Variants in ANO2 observed in about 807,000 individuals in gnomAD.
ANO2 encodes the protein anoctamin 2, also known as anoctamin-2.
A neutral mutation model predicts 124.2 loss-of-function variants in ANO2; 101 were observed. The observed-to-expected ratio is 0.81, with a 90% confidence interval of 0.69 to 0.96. The LOEUF is 0.96. Ranked by LOEUF, ANO2 falls within the 40% of genes least tolerant of loss-of-function variation. ANO2 has a pLI of 0.00. For missense variants in ANO2, 1,293 were observed against 1,274.5 expected, an observed-to-expected ratio of 1.01 and a Z score of -0.22; for synonymous variants, 486 against 482.5, an observed-to-expected ratio of 1.01 and a Z score of -0.09.
At chr12:5,881,620 T>G in intron 3 of ANO2, among the ~76,000 whole-genome samples, 1 of 152,190 alleles carries the variant, frequency 6.6e-6, no homozygotes, top group Non-Finnish European at 1.5e-5. Context: ...AGTCAAGGTT[T>G]TTGACTAGGT....
chr12:5,804,729 T>C (rs1031879015), intron 9 of ANO2, among the ~76,000 whole-genome samples: 2 of 152,256 alleles, frequency 1.3e-5, no homozygotes, highest in East Asian at 3.8e-4. Flanking sequence ...TACATATTTT[T>C]ATATCTACAA....
chr12:5,897,015 T>A (rs1452761308), intron 3 of ANO2, among the ~76,000 whole-genome samples: 1 of 152,212 alleles, frequency 6.6e-6, no homozygotes, highest in Non-Finnish European at 1.5e-5. Context: ...TAAGACTGAC[T>A]GTAAAGTCAC....
chr12:5,926,330 C>A (rs1942076917), intron 1 of ANO2, among the ~76,000 whole-genome samples: 1 of 152,188 alleles, frequency 6.6e-6, no homozygotes, highest in Non-Finnish European at 1.5e-5. Context: ...GATCTCCCTG[C>A]TCCCTGTCCC....
chr12:5,576,324 G>C (rs1942409320), intron 22 of ANO2, among the ~76,000 whole-genome samples: 1 of 152,200 alleles, frequency 6.6e-6, no homozygotes, highest in Non-Finnish European at 1.5e-5. Context: ...TAACATTGCT[G>C]TTGAGCAAGC....
chr12:5,655,519 G>A (rs180940649), intron 14 of ANO2, among the ~76,000 whole-genome samples: 7 of 152,260 alleles, frequency 4.6e-5, no homozygotes, highest in South Asian at 4.1e-4. Flanking sequence ...TGCTAGTCAG[G>A]GAACTGTATT....
chr12:5,878,337 G>A (rs1014620557), intron 3 of ANO2, among the ~76,000 whole-genome samples: 3 of 152,180 alleles, frequency 2.0e-5, no homozygotes, highest in African/African-American at 7.2e-5. Flanking sequence ...ATTAAGGAGT[G>A]GTGGAATCGA....
chr12:5,861,847 CA>C (rs1242366360), intron 3 of ANO2, among the ~76,000 whole-genome samples: 3 of 152,068 alleles, frequency 2.0e-5, no homozygotes, highest in African/African-American at 7.2e-5. Context: ...AGCTGGAGGA[CA>C]GGGGTGCTGA....
chr12:5,820,719 C>T (rs959897293), intron 7 of ANO2, among the ~76,000 whole-genome samples: 5 of 152,216 alleles, frequency 3.3e-5, no homozygotes. Context: ...GGTGGTGATT[C>T]CCACCACATC....
At chr12:5,827,598 C>G in intron 7 of ANO2, 171 bp downstream of exon 7, 3 of 740,872 alleles carry the variant, frequency 4.0e-6, no homozygotes, top group Non-Finnish European at 6.8e-6. Flanking sequence ...AAATGGGACC[C>G]CCGCTGCTCC....
chr12:5,888,522 G>C (rs1939138611), intron 3 of ANO2, among the ~76,000 whole-genome samples: 1 of 152,152 alleles, frequency 6.6e-6, no homozygotes, highest in Non-Finnish European at 1.5e-5. Context: ...AGAGCTGAAT[G>C]GTCCATTTTG....
intron 1 of ANO2, among the ~76,000 whole-genome samples, chr12:5,937,617 CATT>C: frequency 6.6e-6 from 1 of 152,126 alleles, no homozygotes; most frequent in African/African-American, 2.4e-5. Context: ...AATGATAAAA[CATT>C]ATCTTCCTAT....
rs140996697 is a variant in ANO2, at chr12:5,639,294, C to T, written c.1621-3947G>A. Among the ~76,000 whole-genome samples the T allele has an allele frequency of 1.8e-4, 27 of 152,274 alleles. No homozygotes were observed. The East Asian group carries it at 2.9e-3, about 16-fold the overall frequency. ...TAGCAACTTCATCATCGACATAGTA[C>T]GCTGCCTATGACCTCCACCTAGTTT... On this transcript the variant is annotated intron_variant, in intron 15 of 24. Coordinates refer to ENST00000682330, the MANE Select transcript of ANO2 (RefSeq NM_001364791.2).
intron 11 of ANO2, 62 bp downstream of exon 11, chr12:5,750,774 G>C (rs1848308722): frequency 1.3e-6 from 2 of 1,539,314 alleles, no homozygotes; most frequent in African/African-American, 2.7e-5. Flanking sequence ...TACTTGTACT[G>C]GGATGAAACT....
At chr12:5,926,433 G>A (rs11836325) in intron 1 of ANO2, among the ~76,000 whole-genome samples, 4 of 152,162 alleles carry the variant, frequency 2.6e-5, no homozygotes, top group East Asian at 1.9e-4. Context: ...CATGGCTCTC[G>A]GGCTGGGACT....
At chr12:5,836,673 A>G (rs2137226005) in intron 4 of ANO2, 1 of 153,980 alleles carries the variant, frequency 6.5e-6, no homozygotes, top group East Asian at 1.9e-4. Context: ...GCACCCAGAC[A>G]CTGGCTGAGC....
chr12:5,640,573 C>T (rs1371682541), intron 15 of ANO2, among the ~76,000 whole-genome samples: 2 of 152,112 alleles, frequency 1.3e-5, no homozygotes, highest in Non-Finnish European at 2.9e-5. Context: ...AGGATATGAA[C>T]AGACACTTCT....
At chr12:5,587,727 A>G (rs763929034) in intron 20 of ANO2, among the ~76,000 whole-genome samples, 4 of 152,004 alleles carry the variant, frequency 2.6e-5, no homozygotes, top group Non-Finnish European at 5.9e-5. Flanking sequence ...CTACCCTCCC[A>G]GGTTTCTCCA....
At chr12:5,815,169 G>T (rs1953564470) in intron 7 of ANO2, among the ~76,000 whole-genome samples, 1 of 152,142 alleles carries the variant, frequency 6.6e-6, no homozygotes, top group African/African-American at 2.4e-5. Context: ...ACTTTCTAAT[G>T]CGATGTCCCT....
intron 1 of ANO2, among the ~76,000 whole-genome samples, chr12:5,930,302 G>A (rs1229885225): frequency 1.3e-5 from 2 of 152,184 alleles, no homozygotes; most frequent in Non-Finnish European, 2.9e-5. Context: ...GAACAGAGAT[G>A]TGAAATACTG....
Sources: gnomAD v4.1 joint callset for allele counts (sites outside exome capture counted in the v4.1 genomes callset) on GRCh38, gnomAD v4.1.1 for gene constraint, MANE v1.5 for transcripts, NCBI Gene and HGNC (gene_info 2026-07-23, HGNC 2026-07-21) for gene names.